Variants in TOP6BL observed in about 807,000 individuals in gnomAD.
The protein encoded by TOP6BL is type 2 DNA topoisomerase 6 subunit B-like.
the TOP6BL span, among the ~76,000 whole-genome samples, chr11:66,825,841 CTT>C: frequency 1.4e-5 from 2 of 142,838 alleles, no homozygotes; most frequent in African/African-American, 2.6e-5. Flanking sequence ...ATATTTGTTG[CTT>C]TTTTTTTTTT....
At chr11:66,759,977 C>T in the TOP6BL span, among the ~76,000 whole-genome samples, 16 of 152,148 alleles carry the variant, frequency 1.1e-4, no homozygotes, top group Non-Finnish European at 2.1e-4. Context: ...AGAACTCTTA[C>T]GCTTTCATTT....
At chr11:66,756,420 C>T in the TOP6BL span, 4 of 1,116,934 alleles carry the variant, frequency 3.6e-6, no homozygotes, top group South Asian at 6.3e-5. Flanking sequence ...GCAACCTCCA[C>T]CTCCCAGGTT....
chr11:66,775,627 G>T, the TOP6BL span, among the ~76,000 whole-genome samples: 8 of 152,238 alleles, frequency 5.3e-5, 1 homozygote, highest in African/African-American at 1.9e-4. Flanking sequence ...TACTCCTTTA[G>T]CCCAGGTCTT....
At chr11:66,815,843 A>G in the TOP6BL span, 2 of 470,996 alleles carry the variant, frequency 4.2e-6, no homozygotes, top group Admixed American at 7.2e-5. Flanking sequence ...TTTTACACAC[A>G]TAGTTACTAT....
chr11:66,838,183 CCA>C, the TOP6BL span, among the ~76,000 whole-genome samples: 1 of 152,086 alleles, frequency 6.6e-6, no homozygotes, highest in Admixed American at 6.6e-5. Context: ...GGAGAAGGAT[CCA>C]CAGAGGGAAA....
At chr11:66,748,605 T>C in the TOP6BL span, 1 of 1,030,574 alleles carries the variant, frequency 9.7e-7, no homozygotes, top group South Asian at 1.9e-5. Context: ...GAATCTTTTA[T>C]CATGTTATTC....
chr11:66,761,733 G>T, the TOP6BL span: 1 of 784,172 alleles, frequency 1.3e-6, no homozygotes, highest in Non-Finnish European at 2.2e-6. Flanking sequence ...GCCCAGTCCA[G>T]GGAATCTGTG....
At chr11:66,806,931 A>T in the TOP6BL span, among the ~76,000 whole-genome samples, 1 of 152,290 alleles carries the variant, frequency 6.6e-6, no homozygotes, top group Admixed American at 6.5e-5. Flanking sequence ...TTTTCTTTAT[A>T]TCTAGATAGT....
At chr11:66,828,136 G>C in the TOP6BL span, 1 of 627,812 alleles carries the variant, frequency 1.6e-6, no homozygotes, top group Non-Finnish European at 2.8e-6. Flanking sequence ...TGAAAACTAA[G>C]AAAACTCTTA....
At chr11:66,750,151 A>G in the TOP6BL span, among the ~76,000 whole-genome samples, 7 of 152,148 alleles carry the variant, frequency 4.6e-5, no homozygotes, top group African/African-American at 1.7e-4. Context: ...GCTATGTACC[A>G]GTACTTTGTG....
At chr11:66,840,285 C>T in the TOP6BL span, among the ~76,000 whole-genome samples, 1 of 152,196 alleles carries the variant, frequency 6.6e-6, no homozygotes, top group Non-Finnish European at 1.5e-5. Context: ...AAAAAATCTA[C>T]CCAGTCTCTG....
chr11:66,750,329 C>T, the TOP6BL span, among the ~76,000 whole-genome samples: 2 of 152,094 alleles, frequency 1.3e-5, no homozygotes, highest in Non-Finnish European at 2.9e-5. Flanking sequence ...GGGCAGATCA[C>T]ATGAGGTCAG....
the TOP6BL span, among the ~76,000 whole-genome samples, chr11:66,773,836 A>G: frequency 6.6e-6 from 1 of 152,006 alleles, no homozygotes; most frequent in African/African-American, 2.4e-5. Context: ...TCCCAGGTTC[A>G]AGCGATTCTC....
the TOP6BL span, among the ~76,000 whole-genome samples, chr11:66,798,651 A>G: frequency 1.3e-5 from 2 of 151,924 alleles, no homozygotes; most frequent in Non-Finnish European, 2.9e-5. Flanking sequence ...GAGAATGGCA[A>G]AGAGGCAGGG....
At chr11:66,790,193 C>T in the TOP6BL span, among the ~76,000 whole-genome samples, 7 of 151,602 alleles carry the variant, frequency 4.6e-5, no homozygotes, top group East Asian at 1.9e-4. Context: ...GGTGTGAACC[C>T]GGGAGGCGGA....
the TOP6BL span, among the ~76,000 whole-genome samples, chr11:66,784,175 C>T: frequency 3.9e-5 from 6 of 152,104 alleles, no homozygotes; most frequent in East Asian, 7.7e-4. Flanking sequence ...GGACTACAGG[C>T]GCCTGCCACC....
At chr11:66,768,889 G>C in the TOP6BL span, among the ~76,000 whole-genome samples, 3 of 152,134 alleles carry the variant, frequency 2.0e-5, no homozygotes, top group South Asian at 6.2e-4. Context: ...AGAGATCCTG[G>C]GAGCTGGCTC....
chr11:66,825,685 T>C, the TOP6BL span, among the ~76,000 whole-genome samples: 1 of 152,136 alleles, frequency 6.6e-6, no homozygotes, highest in Non-Finnish European at 1.5e-5. Flanking sequence ...ACCCAGTCTA[T>C]AGGAATTTGG....
At chr11:66,767,103 G>A in the TOP6BL span, among the ~76,000 whole-genome samples, 1 of 151,918 alleles carries the variant, frequency 6.6e-6, no homozygotes, top group Admixed American at 6.6e-5. Flanking sequence ...TATTATATTA[G>A]GTCTAAGTAC....
Sources: allele counts gnomAD v4.1 joint callset (sites outside exome capture counted in the v4.1 genomes callset), GRCh38; gene constraint gnomAD v4.1.1; transcripts MANE v1.5; gene names NCBI Gene and HGNC (gene_info 2026-07-23, HGNC 2026-07-21).